PELI1: variants seen among roughly 807,000 people sequenced by gnomAD.
PELI1 encodes the protein E3 ubiquitin-protein ligase pellino homolog 1.
A neutral mutation model predicts 41.3 loss-of-function variants in PELI1; 15 were observed. The ratio of observed to expected loss-of-function variants is 0.36; its 90% confidence interval spans 0.24 to 0.56. The LOEUF (loss-of-function observed/expected upper bound fraction) is 0.56. PELI1 is among the 20% of genes least tolerant of loss of function. The probability of loss-of-function intolerance (pLI) is 0.82; values close to 1 mark genes in which losing one functional copy is unlikely to be tolerated. For synonymous variants in PELI1, 178 were observed against 180.1 expected, an observed-to-expected ratio of 0.99 and a Z score of 0.09; for missense variants, 403 against 525.5, an observed-to-expected ratio of 0.77 and a Z score of 2.28.
chr2:64,141,496 A>G (rs1165836054), intron 1 of PELI1, among the ~76,000 whole-genome samples: 1 of 152,198 alleles, frequency 6.6e-6, no homozygotes, highest in Non-Finnish European at 1.5e-5. Flanking sequence ...TTAGTTTTCA[A>G]TTCTAAGTCT....
At chr2:64,133,221 A>G (rs1681609009) in intron 1 of PELI1, among the ~76,000 whole-genome samples, 1 of 152,190 alleles carries the variant, frequency 6.6e-6, no homozygotes, top group African/African-American at 2.4e-5. Flanking sequence ...AGTTTTCTTC[A>G]ATCATTTGTT....
At chr2:64,140,308 T>C (rs1468284475) in intron 1 of PELI1, among the ~76,000 whole-genome samples, 1 of 152,206 alleles carries the variant, frequency 6.6e-6, no homozygotes, top group East Asian at 1.9e-4. Flanking sequence ...TTTATAGGCA[T>C]CAGCAACACA....
chr2:64,098,276 T>C lies in PELI1; in HGVS notation c.304-1666A>G, dbSNP rs376394367. ...GCTCTTTTGTTACTCTCCCTTACCC[T>C]CATGAGAAAACTCAATGGTTCCTTA... is the stretch of plus-strand genomic sequence containing the variant. On this transcript the variant is annotated intron_variant, in intron 4 of 6. Transcript: ENST00000358912. Among the ~76,000 whole-genome samples the C allele has an allele frequency of 1.1e-3, 162 of 152,342 alleles. 3 individuals are homozygous for C. The South Asian group carries it at 0.02, about 19-fold the overall frequency.
At chr2:64,112,417 G>A (rs553188551) in intron 1 of PELI1, among the ~76,000 whole-genome samples, 19 of 152,128 alleles carry the variant, frequency 1.2e-4, no homozygotes, top group East Asian at 5.8e-4. Context: ...GTTCTATTGC[G>A]TCTATAGCAA....
Position 64,093,643 on chromosome 2 carries a change from TAAA to T in PELI1, c.*1056_*1058del, listed in dbSNP as rs961880170. On this transcript the variant is annotated 3_prime_UTR_variant, in exon 7 of 7. Transcript: ENST00000358912. ...AAACCCAGAGTTAAGGCTGGTCTGCTAAAAACGGGGGCACTATTGTCATTCAAC... is the reference window on the plus strand; with the variant it reads ...AAACCCAGAGTTAAGGCTGGTCTGCTAACGGGGGCACTATTGTCATTCAAC... 1 of 152,654 alleles carries T rather than the reference TAAA, an allele frequency of 6.6e-6. No individual in the cohort carries two copies. Among genetic ancestry groups the T allele is most frequent in the Non-Finnish European group, 1.5e-5 (1 of 68,042 alleles). The allele number at this position is 152,654 out of a possible 1,614,324, so 9.5% of individuals were successfully genotyped here.
chr2:64,117,797 A>C (rs1448443242), intron 1 of PELI1, among the ~76,000 whole-genome samples: 1 of 152,024 alleles, frequency 6.6e-6, no homozygotes. Context: ...TAACCAAATC[A>C]TAATGTTTTC....
chr2:64,098,241 TA>T (rs1200199727), intron 4 of PELI1, among the ~76,000 whole-genome samples: 3 of 152,218 alleles, frequency 2.0e-5, no homozygotes, highest in Non-Finnish European at 2.9e-5. Context: ...TTATTAGCAT[TA>T]AAAATACAGC....
chr2:64,126,817 C>A (rs1316252740), intron 1 of PELI1, among the ~76,000 whole-genome samples: 3 of 150,388 alleles, frequency 2.0e-5, no homozygotes, highest in African/African-American at 2.4e-5. Flanking sequence ...AAAAAAAAAA[C>A]CAGTTTAGGT....
chr2:64,111,621 G>A (rs1680810211), intron 1 of PELI1, among the ~76,000 whole-genome samples: 1 of 152,130 alleles, frequency 6.6e-6, no homozygotes, highest in Admixed American at 6.6e-5. Context: ...ATACATCTGA[G>A]TTGTGAGGCA....
At chr2:64,138,302 T>C (rs1208381904) in intron 1 of PELI1, among the ~76,000 whole-genome samples, 1 of 152,188 alleles carries the variant, frequency 6.6e-6, no homozygotes, top group East Asian at 1.9e-4. Flanking sequence ...GCCACTGCAC[T>C]TACTATTCCC....
At chr2:64,135,549 A>G (rs181635370) in intron 1 of PELI1, among the ~76,000 whole-genome samples, 39 of 152,310 alleles carry the variant, frequency 2.6e-4, no homozygotes, top group Admixed American at 2.1e-3. Context: ...GAAGAGCAAT[A>G]GGCATGACTA....
chr2:64,100,473 G>A lies in PELI1; in HGVS notation c.228C>T (p.Ser76=). Residue 76 remains serine (S), a synonymous_variant, in exon 4 of 7, where the codon AGC becomes AGT. Coordinates refer to ENST00000358912, the MANE Select transcript of PELI1 (RefSeq NM_020651.4). ...AKAISNKDQH[S]ISYTLSRAQT... ...GGGCCCGAGATAAAGTATATGATAT[G>A]CTATGCTGGTCTTTGTTGCTTATTG... The A allele has an allele frequency of 6.3e-7, 1 of 1,583,336 alleles. No individual in the cohort carries two copies. Among genetic ancestry groups the A allele is most frequent in the Non-Finnish European group, 8.7e-7 (1 of 1,152,376 alleles).
At chr2:64,135,302 T>C (rs1303314206) in intron 1 of PELI1, among the ~76,000 whole-genome samples, 2 of 152,128 alleles carry the variant, frequency 1.3e-5, no homozygotes, top group Non-Finnish European at 2.9e-5. Context: ...TCCTACATTA[T>C]TGAGTTAAAA....
chr2:64,109,813 C>T (rs1680745487), intron 1 of PELI1, among the ~76,000 whole-genome samples: 1 of 152,144 alleles, frequency 6.6e-6, no homozygotes, highest in Non-Finnish European at 1.5e-5. Context: ...ATTACTCGAT[C>T]TGAATAGAGA....
At chr2:64,095,355 A>G (rs1488942126) in intron 6 of PELI1, 87 bp from the exon 7 acceptor site, 1 of 748,994 alleles carries the variant, frequency 1.3e-6, no homozygotes, top group East Asian at 2.6e-5. Flanking sequence ...CTCCTTACTC[A>G]AGAAATGAGG....
intron 6 of PELI1, 88 bp downstream of exon 6, chr2:64,096,037 A>C (rs1233888711): frequency 1.1e-6 from 1 of 881,328 alleles, no homozygotes; most frequent in African/African-American, 1.7e-5. Context: ...TAGATTTAAG[A>C]GTTTTCTGGA....
intron 1 of PELI1, among the ~76,000 whole-genome samples, chr2:64,138,089 C>T (rs1465656101): frequency 1.3e-5 from 2 of 152,002 alleles, no homozygotes; most frequent in Non-Finnish European, 2.9e-5. Context: ...GATCTAGTTA[C>T]GCTAGTTTTT....
chr2:64,112,349 C>T (rs1367116152), intron 1 of PELI1, among the ~76,000 whole-genome samples: 1 of 152,104 alleles, frequency 6.6e-6, no homozygotes, highest in African/African-American at 2.4e-5. Flanking sequence ...AAAATATAAG[C>T]GACCATTTGG....
At chr2:64,129,082 T>C (rs1468245400) in intron 1 of PELI1, among the ~76,000 whole-genome samples, 1 of 152,212 alleles carries the variant, frequency 6.6e-6, no homozygotes, top group African/African-American at 2.4e-5. Context: ...AATTAGGCTA[T>C]TCATACACTT....
Sources: gnomAD v4.1 joint callset for allele counts (sites outside exome capture counted in the v4.1 genomes callset) on GRCh38, gnomAD v4.1.1 for gene constraint, MANE v1.5 for transcripts, NCBI Gene and HGNC (gene_info 2026-07-23, HGNC 2026-07-21) for gene names.